The following BLTP2 variants were observed in gnomAD, a reference collection of about 807,000 sequenced individuals.
BLTP2 encodes the protein bridge-like lipid transfer protein family member 2, also known as U937-associated antigen.
At chr17:28,642,909 T>C in the BLTP2 span, 2 of 1,610,340 alleles carry the variant, frequency 1.2e-6, no homozygotes, top group Non-Finnish European at 1.7e-6. Flanking sequence ...CTTCTACTGA[T>C]CTGAATATGC....
At chr17:28,643,481 A>G in the BLTP2 span, 1 of 1,327,880 alleles carries the variant, frequency 7.5e-7, no homozygotes, top group Admixed American at 1.8e-5. Flanking sequence ...CACCCAGGCT[A>G]ACAGGAAGAC....
the BLTP2 span, chr17:28,620,428 T>C: frequency 6.6e-7 from 1 of 1,510,952 alleles, no homozygotes; most frequent in East Asian, 2.3e-5. Flanking sequence ...AGCATGGCTT[T>C]TGTTACAGAA....
At chr17:28,623,828 C>T in the BLTP2 span, 2 of 1,614,204 alleles carry the variant, frequency 1.2e-6, no homozygotes, top group Non-Finnish European at 1.7e-6. Flanking sequence ...TACTGCATGC[C>T]ATCCAAGAGG....
At chr17:28,642,546 G>C in the BLTP2 span, 3 of 580,862 alleles carry the variant, frequency 5.2e-6, no homozygotes, top group Non-Finnish European at 6.1e-6. Context: ...AGCTACTCGG[G>C]AGGCTGAGGC....
At chr17:28,643,436 T>C in the BLTP2 span, 72 of 1,424,902 alleles carry the variant, frequency 5.1e-5, no homozygotes, top group South Asian at 7.3e-5. Context: ...ATTAGTTTCA[T>C]AGCAGTTATC....
chr17:28,643,103 C>T, the BLTP2 span: 1 of 1,605,682 alleles, frequency 6.2e-7, no homozygotes, highest in Admixed American at 1.7e-5. Flanking sequence ...AAAATCTACC[C>T]ATAACTCCAA....
At chr17:28,643,754 C>A in the BLTP2 span, 1 of 1,248,484 alleles carries the variant, frequency 8.0e-7, no homozygotes, top group East Asian at 2.3e-5. Flanking sequence ...ATTAGAATTT[C>A]TCTTTCATAG....
chr17:28,630,533 C>T, the BLTP2 span, among the ~76,000 whole-genome samples: 11 of 138,020 alleles, frequency 8.0e-5, no homozygotes, highest in African/African-American at 2.7e-4. Flanking sequence ...CAGCTTGGAG[C>T]GCACTGGTGT....
the BLTP2 span, chr17:28,637,977 G>A: frequency 9.9e-6 from 16 of 1,614,074 alleles, no homozygotes; most frequent in East Asian, 4.5e-5. Context: ...GATAAGATAC[G>A]AGACAGACAT....
the BLTP2 span, chr17:28,634,698 C>G: frequency 6.2e-7 from 1 of 1,614,194 alleles, no homozygotes; most frequent in Non-Finnish European, 8.5e-7. Context: ...TCCAAGTAAG[C>G]AGTGCCCGGC....
At chr17:28,627,005 C>T in the BLTP2 span, among the ~76,000 whole-genome samples, 1 of 152,160 alleles carries the variant, frequency 6.6e-6, no homozygotes, top group Non-Finnish European at 1.5e-5. Flanking sequence ...ACTGAGTCGT[C>T]AACCTTTGGA....
chr17:28,639,626 G>A, the BLTP2 span: 2 of 1,614,092 alleles, frequency 1.2e-6, no homozygotes, highest in Non-Finnish European at 1.7e-6. Flanking sequence ...GGCGACTCTG[G>A]GACAACAACA....
chr17:28,639,525 T>C, the BLTP2 span: 3 of 1,612,752 alleles, frequency 1.9e-6, no homozygotes, highest in Non-Finnish European at 2.5e-6. Context: ...CGAAATAATG[T>C]AGCGGGAGAA....
the BLTP2 span, chr17:28,623,844 C>T: frequency 6.2e-7 from 1 of 1,614,226 alleles, no homozygotes; most frequent in Non-Finnish European, 8.5e-7. Flanking sequence ...AGAGGCAAGT[C>T]CAGGATGTCT....
At chr17:28,634,534 T>C in the BLTP2 span, 342 of 1,613,634 alleles carry the variant, frequency 2.1e-4, no homozygotes, top group African/African-American at 4.1e-3. Flanking sequence ...GCTCTTGACA[T>C]TGCACTTGAG....
the BLTP2 span, among the ~76,000 whole-genome samples, chr17:28,634,269 C>A: frequency 2.1e-4 from 32 of 152,264 alleles, no homozygotes; most frequent in Admixed American, 1.2e-3. Flanking sequence ...TGGTTAAGGG[C>A]ATAGCACTGA....
At chr17:28,617,620 G>T in the BLTP2 span, among the ~76,000 whole-genome samples, 4 of 152,284 alleles carry the variant, frequency 2.6e-5, no homozygotes, top group Non-Finnish European at 5.9e-5. Context: ...TTACGTCAAT[G>T]GCAGAAAAGC....
chr17:28,628,691 T>G, the BLTP2 span: 1 of 745,264 alleles, frequency 1.3e-6, no homozygotes, highest in Non-Finnish European at 2.1e-6. Flanking sequence ...TCCCAGCACT[T>G]TGGGAGGCCG....
At chr17:28,644,068 T>C in the BLTP2 span, 1 of 1,614,226 alleles carries the variant, frequency 6.2e-7, no homozygotes, top group Non-Finnish European at 8.5e-7. Context: ...CACTGTTTGC[T>C]GGTGTTGCTG....
Sources: allele counts gnomAD v4.1 joint callset (sites outside exome capture counted in the v4.1 genomes callset), GRCh38; gene constraint gnomAD v4.1.1; transcripts MANE v1.5; gene names NCBI Gene and HGNC (gene_info 2026-07-23, HGNC 2026-07-21).